Variants in UVRAG observed in about 807,000 individuals in gnomAD.
The protein encoded by UVRAG is UV radiation resistance associated, also known as UV radiation resistance-associated gene protein.
Under a neutral mutation model 78.0 loss-of-function variants are expected in UVRAG, and 19 were observed. That is an observed-to-expected ratio of 0.24 (90% CI 0.17 to 0.36). The LOEUF is 0.36. Among genes scored for constraint, UVRAG ranks in the 10% least tolerant of loss-of-function variants. UVRAG has a pLI of 1.00. For missense variants in UVRAG, 740 were observed against 853.8 expected (o/e 0.87, Z 1.66); for synonymous variants, 323 against 324.6 (o/e 1.00, Z 0.05).
At chr11:75,878,527 T>G (rs1946860646) in intron 3 of UVRAG, 3 of 184,318 alleles carry the variant, frequency 1.6e-5, no homozygotes, top group Non-Finnish European at 3.3e-5. Flanking sequence ...AGGTGGAGGT[T>G]GTAGCGAGCC....
At chr11:75,944,149 G>A (rs1948540778) in intron 6 of UVRAG, among the ~76,000 whole-genome samples, 1 of 152,074 alleles carries the variant, frequency 6.6e-6, no homozygotes, top group African/African-American at 2.4e-5. Flanking sequence ...CTTCCTTAAT[G>A]ACTTTGAAAA....
chr11:75,967,707 A>C (rs922124279), intron 7 of UVRAG, among the ~76,000 whole-genome samples: 1 of 152,214 alleles, frequency 6.6e-6, no homozygotes, highest in Non-Finnish European at 1.5e-5. Context: ...TATTTTGTGA[A>C]TTTAACTGCT....
chr11:75,849,197 T>C (rs1426397435), intron 1 of UVRAG, among the ~76,000 whole-genome samples: 1 of 137,114 alleles, frequency 7.3e-6, no homozygotes, highest in African/African-American at 2.8e-5. Flanking sequence ...AAAAAAAATG[T>C]TGAGATAAAG....
chr11:75,887,472 G>C (rs1947106709), intron 4 of UVRAG, among the ~76,000 whole-genome samples: 2 of 134,428 alleles, frequency 1.5e-5, no homozygotes, highest in Admixed American at 1.5e-4. Context: ...TTTTGAGACG[G>C]AGTCTCGCTC....
At chr11:76,066,115 T>C (rs1175446519) in intron 13 of UVRAG, among the ~76,000 whole-genome samples, 2 of 152,190 alleles carry the variant, frequency 1.3e-5, no homozygotes, top group Non-Finnish European at 2.9e-5. Flanking sequence ...TGTAATTTTC[T>C]TAGACTATTT....
intron 13 of UVRAG, among the ~76,000 whole-genome samples, chr11:76,070,696 T>C (rs1212427143): frequency 6.6e-6 from 1 of 152,168 alleles, no homozygotes; most frequent in Non-Finnish European, 1.5e-5. Flanking sequence ...GGTAGAGCAA[T>C]GAATAAGATA....
intron 6 of UVRAG, among the ~76,000 whole-genome samples, chr11:75,946,715 T>C (rs890477703): frequency 6.6e-6 from 1 of 152,200 alleles, no homozygotes; most frequent in South Asian, 2.1e-4. Context: ...GTCAGCCCCA[T>C]TGAGGCCACC....
chr11:75,815,910 G>C (rs1374807885), intron 1 of UVRAG, among the ~76,000 whole-genome samples: 1 of 152,226 alleles, frequency 6.6e-6, no homozygotes, highest in Non-Finnish European at 1.5e-5. Context: ...ACGGGCCATA[G>C]TGAAAGCACT....
chr11:76,077,284 TA>T (rs1173580374), intron 13 of UVRAG, among the ~76,000 whole-genome samples: 4 of 151,896 alleles, frequency 2.6e-5, no homozygotes, highest in Non-Finnish European at 4.4e-5. Context: ...TTTAAAGGGA[TA>T]ACATACTGCA....
chr11:75,951,396 T>TTTG (rs1565395587), intron 6 of UVRAG, among the ~76,000 whole-genome samples: 1 of 151,256 alleles, frequency 6.6e-6, no homozygotes, highest in East Asian at 1.9e-4. Context: ...TTGTTTGTTT[T>TTTG]TTTGAGATGG....
At chr11:75,932,296 T>G (rs112652736) in intron 6 of UVRAG, among the ~76,000 whole-genome samples, 8,559 of 151,652 alleles carry the variant, frequency 0.056, 759 homozygotes, top group African/African-American at 0.19. Flanking sequence ...TTTATTTATT[T>G]ATTTATTGAG....
At chr11:76,024,540 G>A (rs1373195961) in intron 12 of UVRAG, among the ~76,000 whole-genome samples, 1 of 152,080 alleles carries the variant, frequency 6.6e-6, no homozygotes, top group Non-Finnish European at 1.5e-5. Flanking sequence ...AAAATGAGAT[G>A]CATCTTATAA....
intron 6 of UVRAG, chr11:75,942,017 T>G (rs1487553940): frequency 6.6e-6 from 1 of 152,168 alleles, no homozygotes; most frequent in Non-Finnish European, 1.5e-5. Context: ...GTACTAGAAT[T>G]AAAAATGTAA....
chr11:76,052,267 C>T (rs1038652841), intron 12 of UVRAG, among the ~76,000 whole-genome samples: 1 of 152,232 alleles, frequency 6.6e-6, no homozygotes, highest in African/African-American at 2.4e-5. Flanking sequence ...ACAGCATCCA[C>T]AGTGGTCATT....
At chr11:75,995,198 T>G (rs1337825641) in intron 8 of UVRAG, among the ~76,000 whole-genome samples, 1 of 151,814 alleles carries the variant, frequency 6.6e-6, no homozygotes, top group Non-Finnish European at 1.5e-5. Context: ...TTTTTTAATC[T>G]TTGACCCAAG....
intron 13 of UVRAG, 134 bp from the exon 14 acceptor site, chr11:76,115,790 G>A: frequency 1.3e-6 from 1 of 762,852 alleles, no homozygotes. Flanking sequence ...GGAAAGTACT[G>A]TGAGGCTGAT....
chr11:75,838,672 G>C (rs1431642658), intron 1 of UVRAG, among the ~76,000 whole-genome samples: 1 of 152,162 alleles, frequency 6.6e-6, no homozygotes, highest in East Asian at 1.9e-4. Flanking sequence ...AATTTTGATA[G>C]ATGTTGTCAG....
intron 6 of UVRAG, among the ~76,000 whole-genome samples, chr11:75,944,100 C>T (rs528379880): frequency 6.6e-6 from 1 of 152,236 alleles, no homozygotes; most frequent in South Asian, 2.1e-4. Flanking sequence ...TTTTATAGCA[C>T]ACAACCCACT....
At chr11:76,125,609 G>T (rs1287750494) in intron 14 of UVRAG, among the ~76,000 whole-genome samples, 2 of 152,222 alleles carry the variant, frequency 1.3e-5, no homozygotes, top group African/African-American at 4.8e-5. Context: ...TGACAGAAAG[G>T]CACTTGGGTA....
Sources: allele counts gnomAD v4.1 joint callset (sites outside exome capture counted in the v4.1 genomes callset), GRCh38; gene constraint gnomAD v4.1.1; transcripts MANE v1.5; gene names NCBI Gene and HGNC (gene_info 2026-07-23, HGNC 2026-07-21).